VPS13A: variants seen among roughly 807,000 people sequenced by gnomAD.
VPS13A encodes vacuolar protein sorting 13 homolog A.
In VPS13A, 264 loss-of-function variants were observed where a neutral mutation model predicts 390.9. That is an observed-to-expected ratio of 0.68 (90% CI 0.61 to 0.75). The LOEUF is 0.75. Ranked by LOEUF, VPS13A falls within the 30% of genes least tolerant of loss-of-function variation. VPS13A has a pLI of 0.00. For synonymous variants in VPS13A, 1,231 were observed against 1,227.1 expected (o/e 1.00, Z -0.07); for missense variants, 3,409 against 3,733.9 (o/e 0.91, Z 2.27).
rs1823630268 is a variant in VPS13A, at chr9:77,228,196, G to A, written c.1527G>A (p.Glu509=). ...IVLRENHQKP[E]LVDIVIEEFS... ...TAAGAGAAAATCATCAAAAACCTGA[G>A]CTGGTAGATATTGTAATAGAAGAAT... Residue 509 remains glutamate (E), a synonymous_variant, in exon 17 of 72, where the codon GAG becomes GAA. Coordinates refer to ENST00000360280, the MANE Select transcript of VPS13A (RefSeq NM_033305.3). The A allele has an allele frequency of 6.2e-7, 1 of 1,603,656 alleles. No individual in the cohort carries two copies. The highest frequency in any genetic ancestry group is 1.3e-5 in the African/African-American group (1 of 74,660).
In VPS13A at chr9:77,351,362, G is replaced by GT. The variant is rs1419127345; in HGVS notation, c.7339dup (p.Tyr2447LeufsTer5). On this transcript the variant is annotated frameshift_variant, in exon 53 of 72. Coordinates refer to ENST00000360280, the MANE Select transcript of VPS13A (RefSeq NM_033305.3). LOFTEE classifies it high-confidence loss of function. ...ATTCCCTCCCTCCTGGTAAAGCCGT[G>GT]TTTTATACATGGGCTGATCCGGTGG... 7.4e-6 allele frequency: 12 copies of GT among 1,613,824 alleles called. No individual in the cohort carries two copies. The highest frequency in any genetic ancestry group is 1.0e-5 in the Non-Finnish European group (12 of 1,179,926).
chr9:77,414,935 C>G (rs1835110934), intron 71 of VPS13A, among the ~76,000 whole-genome samples: 1 of 152,090 alleles, frequency 6.6e-6, no homozygotes, highest in Non-Finnish European at 1.5e-5. Flanking sequence ...AACTAGGGGC[C>G]TCTCCCACTG....
intron 52 of VPS13A, 77 bp downstream of exon 52, chr9:77,345,219 T>C: frequency 6.7e-7 from 1 of 1,485,528 alleles, no homozygotes; most frequent in Admixed American, 1.7e-5. Context: ...TGATAATTTC[T>C]TAAGAGTATA....
chr9:77,302,306 T>G (rs1828418511), intron 33 of VPS13A, among the ~76,000 whole-genome samples: 1 of 151,738 alleles, frequency 6.6e-6, no homozygotes, highest in East Asian at 1.9e-4. Flanking sequence ...AACTTACAAC[T>G]TATATACTTT....
chr9:77,335,133 T>A (rs1473635050), intron 46 of VPS13A, among the ~76,000 whole-genome samples: 4 of 152,202 alleles, frequency 2.6e-5, no homozygotes, highest in Non-Finnish European at 5.9e-5. Context: ...AAGGACAGTG[T>A]TGTCTCATAA....
intron 71 of VPS13A, among the ~76,000 whole-genome samples, chr9:77,412,232 T>G (rs1834970753): frequency 6.6e-6 from 1 of 152,180 alleles, no homozygotes. Flanking sequence ...GAATCCTCCC[T>G]AACTCATTTT....
intron 50 of VPS13A, among the ~76,000 whole-genome samples, chr9:77,341,412 ACTG>A (rs764854927): frequency 6.6e-6 from 1 of 152,118 alleles, no homozygotes; most frequent in Non-Finnish European, 1.5e-5. Context: ...CTGCAGTCAC[ACTG>A]CTATATGTCT....
At position 77,238,327 on chromosome 9, in the gene VPS13A, C is replaced by T; in HGVS notation, c.1841C>T (p.Ala614Val). Reference protein sequence around the residue: ...FFRPPKEVHLAQLTAATLTKL... With the variant: ...FFRPPKEVHLVQLTAATLTKL... ...AGACCTCCAAAAGAGGTACATCTAG[C>T]ACAGCTCACTGCAGCAACTTTGACA... Residue 614 changes from alanine to valine, a missense_variant, in exon 19 of 72, where the codon GCA (alanine) becomes GTA (valine). Physicochemically the swap from Ala to Val is moderately conservative, Grantham distance 64. Transcript: ENST00000360280. The T allele has an allele frequency of 6.2e-7, 1 of 1,613,970 alleles. No homozygotes were observed. Among genetic ancestry groups the T allele is most frequent in the East Asian group, 2.2e-5 (1 of 44,832 alleles).
At chr9:77,180,391 C>T (rs981988563) in intron 1 of VPS13A, among the ~76,000 whole-genome samples, 1 of 152,140 alleles carries the variant, frequency 6.6e-6, no homozygotes, top group Non-Finnish European at 1.5e-5. Context: ...TTTGAAAATA[C>T]TTTCTCAGTC....
chr9:77,372,991 C>A (rs1379667242), intron 67 of VPS13A, among the ~76,000 whole-genome samples: 2 of 152,048 alleles, frequency 1.3e-5, no homozygotes, highest in Non-Finnish European at 2.9e-5. Context: ...AAAGAGGATA[C>A]AAACGAATGG....
chr9:77,387,642 G>C (rs1833744271), intron 68 of VPS13A, among the ~76,000 whole-genome samples: 1 of 152,084 alleles, frequency 6.6e-6, no homozygotes, highest in Admixed American at 6.5e-5. Flanking sequence ...GTACTCACAT[G>C]GGATATAAAT....
In VPS13A at chr9:77,412,288, C is replaced by CA. The variant is rs1422879017; in HGVS notation, c.9475-3661dup. Among the ~76,000 whole-genome samples the CA allele has an allele frequency of 3.9e-5, 6 of 152,040 alleles. No homozygotes were observed. In the South Asian group the frequency reaches 1.2e-3, roughly 32 times the overall value. On this transcript the variant is annotated intron_variant, in intron 71 of 71. Coordinates refer to ENST00000360280, the MANE Select transcript of VPS13A (RefSeq NM_033305.3). ...ATACCAAAGCCTGGCAGAGACACAA[C>CA]AAAAAAAGAGAATTTTAGACCAATA...
intron 22 of VPS13A, among the ~76,000 whole-genome samples, chr9:77,258,006 A>T (rs1825547338): frequency 6.6e-6 from 1 of 152,234 alleles, no homozygotes; most frequent in Non-Finnish European, 1.5e-5. Context: ...CCATGTATTT[A>T]CATTTACTGG....
chr9:77,193,404 C>T (rs1055528036), intron 1 of VPS13A, among the ~76,000 whole-genome samples: 33 of 152,088 alleles, frequency 2.2e-4, no homozygotes, highest in Non-Finnish European at 3.8e-4. Context: ...GAGGCTGAGG[C>T]GGGCGGATCA....
At position 77,305,220 on chromosome 9, in the gene VPS13A, G is replaced by A. The variant is rs183161836; in HGVS notation, c.3960+2158G>A. 4.3e-3 allele frequency among the ~76,000 whole-genome samples: 653 copies of A among 152,234 alleles called. 4 individuals carry two copies. The highest frequency in any genetic ancestry group is 1.0e-2 in the South Asian group (48 of 4,822). On this transcript the variant is annotated intron_variant, in intron 34 of 71. Transcript: ENST00000360280. ...CCCAAAGTGCTGGGATTACAGGCGT[G>A]AGCCATCACGCCTGGCCGAGATTTC...
intron 26 of VPS13A, chr9:77,279,890 T>G (rs1194718902): frequency 4.3e-6 from 1 of 235,068 alleles, no homozygotes; most frequent in African/African-American, 2.3e-5. Context: ...TTGATTCCTG[T>G]TTTTTCTTAC....
rs766694176 is a variant in VPS13A at position 77,283,393 on chromosome 9, C to T, written c.3157C>T (p.Gln1053Ter). Residue 1053 changes from glutamine to a stop codon, truncating the protein, a stop_gained, in exon 30 of 72, where the codon CAG (glutamine) becomes TAG (stop). Coordinates refer to ENST00000360280, the MANE Select transcript of VPS13A (RefSeq NM_033305.3). LOFTEE classifies it high-confidence loss of function. ...LSTNEDIITL[Q>*]ILAELSCLQI... The stretch of plus-strand genomic sequence containing the variant: ...CACAAATGAAGATATCATTACTTTG[C>T]AGATTTTAGCAGAATTATCGTGTTT... 6.2e-7 allele frequency: 1 copy of T among 1,606,336 alleles called. No individual in the cohort carries two copies.
intron 22 of VPS13A, among the ~76,000 whole-genome samples, chr9:77,257,926 TTTAAC>T (rs1186688249): frequency 6.6e-6 from 1 of 152,206 alleles, no homozygotes. Context: ...GCATTTGTCT[TTTAAC>T]TTATGTAGAA....
chr9:77,340,255 A>ATT lies in VPS13A; in HGVS notation c.6853_6854insTT (p.Cys2285PhefsTer5). ...CTGTTGGTAGTCATGGAGCTGTTAA[A>ATT]TGTAAAGGCCTGAAAATGGACTATC... On this transcript the variant is annotated frameshift_variant, in exon 49 of 72. Coordinates refer to ENST00000360280, the MANE Select transcript of VPS13A (RefSeq NM_033305.3). LOFTEE classifies it high-confidence loss of function. 1 of 1,613,356 alleles carries ATT rather than the reference A, an allele frequency of 6.2e-7. No homozygotes were observed. Among genetic ancestry groups the ATT allele is most frequent in the Non-Finnish European group, 8.5e-7 (1 of 1,179,618 alleles).
Sources: allele counts gnomAD v4.1 joint callset (sites outside exome capture counted in the v4.1 genomes callset), GRCh38; gene constraint gnomAD v4.1.1; transcripts MANE v1.5; gene names NCBI Gene and HGNC (gene_info 2026-07-23, HGNC 2026-07-21).